The following PCDH15 variants were observed in gnomAD, a reference collection of about 807,000 sequenced individuals.
PCDH15 encodes protocadherin-15.
Under a neutral mutation model 178.5 loss-of-function variants are expected in PCDH15, and 129 were observed. That is an observed-to-expected ratio of 0.72 (90% confidence interval 0.63 to 0.84). The LOEUF is 0.84. Ranked by LOEUF, PCDH15 falls within the 40% of genes least tolerant of loss-of-function variation. The pLI is 0.00. For synonymous variants in PCDH15, 800 were observed against 732.0 expected (o/e 1.09, Z -1.50); for missense variants, 2,230 against 2,099.9 (o/e 1.06, Z -1.21).
chr10:54,954,014 G>A (rs2131877383), intron 2 of PCDH15, among the ~76,000 whole-genome samples: 1 of 151,120 alleles, frequency 6.6e-6, no homozygotes, highest in South Asian at 2.1e-4. Context: ...CAGACTTTTA[G>A]GGAGGGAAGC....
At chr10:55,530,418 T>A (rs2132062787) in intron 2 of PCDH15, among the ~76,000 whole-genome samples, 1 of 152,116 alleles carries the variant, frequency 6.6e-6, no homozygotes, top group South Asian at 2.1e-4. Context: ...TACTATGACA[T>A]CTAAACCAAA....
chr10:54,446,896 G>A lies in PCDH15; in HGVS notation c.158-67954C>T, dbSNP rs1412904595. ...AAGGTAACAAAAAACATTCGCAGAAGGAAAGAATGCCTATAAGATTGTTGC... is the reference window on the plus strand; with the variant it reads ...AAGGTAACAAAAAACATTCGCAGAAAGAAAGAATGCCTATAAGATTGTTGC... On this transcript the variant is annotated intron_variant, in intron 3 of 37. Transcript: ENST00000644397. 6.6e-5 allele frequency among the ~76,000 whole-genome samples: 10 copies of A among 151,546 alleles called. No homozygotes were observed. In the Admixed American group the frequency reaches 6.6e-4, roughly 10 times the overall value.
At chr10:54,722,965 C>T (rs1941883461) in intron 1 of PCDH15, among the ~76,000 whole-genome samples, 1 of 151,602 alleles carries the variant, frequency 6.6e-6, no homozygotes, top group Non-Finnish European at 1.5e-5. Flanking sequence ...AGTAAACATA[C>T]TGCACAAATC....
chr10:54,833,736 C>T (rs1037554391), intron 3 of PCDH15, among the ~76,000 whole-genome samples: 4 of 152,104 alleles, frequency 2.6e-5, no homozygotes, highest in African/African-American at 9.7e-5. Context: ...TATGGAGAAA[C>T]TTGGATAATA....
At chr10:55,570,723 T>C (rs1842393293) in intron 2 of PCDH15, among the ~76,000 whole-genome samples, 1 of 152,074 alleles carries the variant, frequency 6.6e-6, no homozygotes, top group African/African-American at 2.4e-5. Context: ...TTTGCCTATA[T>C]ACATAAAGGC....
At chr10:55,147,544 T>C (rs12772404) in intron 2 of PCDH15, among the ~76,000 whole-genome samples, 29,173 of 151,386 alleles carry the variant, frequency 0.19, 3,300 homozygotes, top group South Asian at 0.36. Flanking sequence ...GACTTTAGGG[T>C]AGACAGGTTC....
intron 21 of PCDH15, among the ~76,000 whole-genome samples, chr10:53,985,438 C>T (rs1385741837): frequency 6.6e-6 from 1 of 152,028 alleles, no homozygotes; most frequent in East Asian, 1.9e-4. Flanking sequence ...GTCTTGAATG[C>T]TTTTAAATTA....
intron 2 of PCDH15, among the ~76,000 whole-genome samples, chr10:55,593,984 A>T (rs1211880167): frequency 1.3e-5 from 2 of 151,926 alleles, no homozygotes; most frequent in Non-Finnish European, 2.9e-5. Context: ...GATGTCAGAC[A>T]TGAGGACTAC....
chr10:55,526,525 CACA>C (rs1345419693), intron 2 of PCDH15, among the ~76,000 whole-genome samples: 4 of 151,898 alleles, frequency 2.6e-5, no homozygotes, highest in Non-Finnish European at 5.9e-5. Flanking sequence ...TTTTCTTTAG[CACA>C]ACACCTTATT....
chr10:54,687,455 A>G (rs1349361740), intron 1 of PCDH15, among the ~76,000 whole-genome samples: 1 of 152,156 alleles, frequency 6.6e-6, no homozygotes, highest in Non-Finnish European at 1.5e-5. Flanking sequence ...TGTGCTACAT[A>G]TATAATATAT....
intron 2 of PCDH15, among the ~76,000 whole-genome samples, chr10:55,077,569 A>C (rs1841938115): frequency 7.1e-6 from 1 of 140,418 alleles, no homozygotes; most frequent in Admixed American, 7.7e-5. Context: ...TCTTTCTTTG[A>C]GATGGAATCT....
intron 2 of PCDH15, among the ~76,000 whole-genome samples, chr10:54,563,180 T>C (rs934402563): frequency 6.6e-6 from 1 of 152,178 alleles, no homozygotes. Flanking sequence ...CCTCTTATGA[T>C]CTATACATTT....
At chr10:54,605,969 G>A (rs1226443560) in intron 2 of PCDH15, 3 of 152,098 alleles carry the variant, frequency 2.0e-5, no homozygotes, top group Admixed American at 1.3e-4. Context: ...TCATTAGAGT[G>A]AGCAAGTGGG....
rs535302847 is a variant in PCDH15, at chr10:55,546,829, A to T, written c.-156+80796T>A. ...AGTCCTCTGAGGCTCAGATGAACAG[A>T]CGGAATTAGAATAACAAGAAAATTT... On this transcript the variant is annotated intron_variant, in intron 2 of 5. Transcript: ENST00000613346. Among the ~76,000 whole-genome samples the T allele has an allele frequency of 6.6e-5, 10 of 152,270 alleles. No individual in the cohort carries two copies. The South Asian group carries it at 2.1e-3, about 32-fold the overall frequency.
chr10:54,002,681 G>T (rs1380590037), intron 20 of PCDH15, among the ~76,000 whole-genome samples: 1 of 152,164 alleles, frequency 6.6e-6, no homozygotes, highest in Non-Finnish European at 1.5e-5. Flanking sequence ...CAATAGTGAG[G>T]TGTGGAGTTG....
At chr10:54,864,358 T>A (rs989820665) in intron 3 of PCDH15, among the ~76,000 whole-genome samples, 2 of 152,186 alleles carry the variant, frequency 1.3e-5, no homozygotes, top group African/African-American at 4.8e-5. Flanking sequence ...GTTTCATAAA[T>A]TATATTCATA....
intron 8 of PCDH15, among the ~76,000 whole-genome samples, chr10:54,250,979 ATATT>A (rs1348807016): frequency 6.6e-6 from 1 of 152,126 alleles, no homozygotes; most frequent in Non-Finnish European, 1.5e-5. Context: ...TTAAAAATAC[ATATT>A]TAGATTAATT....
At chr10:55,222,066 G>A (rs1036658873) in intron 1 of PCDH15, among the ~76,000 whole-genome samples, 4 of 150,194 alleles carry the variant, frequency 2.7e-5, no homozygotes, top group Non-Finnish European at 4.4e-5. Flanking sequence ...TAGTAGAGAC[G>A]GGGTTTCACC....
intron 2 of PCDH15, among the ~76,000 whole-genome samples, chr10:55,089,321 A>G (rs1354632098): frequency 6.6e-6 from 1 of 152,166 alleles, no homozygotes; most frequent in Admixed American, 6.6e-5. Flanking sequence ...AACCCTTGTT[A>G]TCATCTTGCA....
Sources: gnomAD v4.1 joint callset for allele counts (sites outside exome capture counted in the v4.1 genomes callset) on GRCh38, gnomAD v4.1.1 for gene constraint, MANE v1.5 for transcripts, NCBI Gene and HGNC (gene_info 2026-07-23, HGNC 2026-07-21) for gene names.